The following MTMR3 variants were observed in gnomAD, a reference collection of about 807,000 sequenced individuals.
MTMR3 encodes myotubularin related protein 3.
Under a neutral mutation model 132.4 loss-of-function variants are expected in MTMR3, and 32 were observed. The ratio of observed to expected loss-of-function variants is 0.24; its 90% confidence interval spans 0.18 to 0.32. The LOEUF is 0.32. MTMR3 is among the 10% of genes least tolerant of loss of function. The probability of loss-of-function intolerance (pLI) is 1.00; values close to 1 mark genes in which losing one functional copy is unlikely to be tolerated. For missense variants in MTMR3, 1,216 were observed against 1,489.6 expected (o/e 0.82, Z 3.02); for synonymous variants, 556 against 550.3 (o/e 1.01, Z -0.14).
At chr22:29,938,015 C>G (rs912572415) in intron 1 of MTMR3, among the ~76,000 whole-genome samples, 2 of 152,126 alleles carry the variant, frequency 1.3e-5, no homozygotes, top group African/African-American at 2.4e-5. Flanking sequence ...TAGGGGCTGA[C>G]AAGACCTTAA....
In MTMR3 at chr22:29,998,028, G is replaced by A. The variant is rs73883353; in HGVS notation, c.461-733G>A. The A allele has an allele frequency of 1.2e-3, 190 of 152,312 alleles. 1 individual carries two copies. The highest frequency in any genetic ancestry group is 4.0e-3 in the African/African-American group (168 of 41,568). 9.4% of individuals were successfully genotyped at this position (152,312 alleles called of 1,614,324 possible). A position where few individuals can be genotyped will look rare whatever the true frequency, so the allele number is the denominator to read the frequency against. On this transcript the variant is annotated intron_variant, in intron 7 of 19. Transcript: ENST00000401950. ...GAATTATAGTTCTGTATTGCTACTC[G>A]TGGTGATCTTGTTATTGATTTTATT...
rs564267521 is a variant in MTMR3 at position 30,002,506 on chromosome 22, T to C, written c.558-374T>C. 11 of 160,074 alleles carry C rather than the reference T, an allele frequency of 6.9e-5. 1 individual carries two copies. The South Asian group carries it at 1.8e-3, about 27-fold the overall frequency. The allele number at this position is 160,074 out of a possible 1,614,324, so 9.9% of individuals were successfully genotyped here. On this transcript the variant is annotated intron_variant, in intron 8 of 19. Coordinates refer to ENST00000401950, the MANE Select transcript of MTMR3 (RefSeq NM_021090.4). ...GGCGCTCATGTAGTTAGAAATAACC[T>C]ATGTACTTGTTACAGCAGAAGAGTT...
rs545176389 is a variant in MTMR3 at position 30,028,780 on chromosome 22, A to G, written c.*2979A>G. The G allele has an allele frequency of 6.6e-6, 1 of 152,492 alleles. No homozygotes were observed. The highest frequency in any genetic ancestry group is 1.9e-4 in the East Asian group (1 of 5,326). The allele number at this position is 152,492 out of a possible 1,614,324, so 9.4% of individuals were successfully genotyped here. A position where few individuals can be genotyped will look rare whatever the true frequency, so the allele number is the denominator to read the frequency against. On this transcript the variant is annotated 3_prime_UTR_variant, in exon 20 of 20. Coordinates refer to ENST00000401950, the MANE Select transcript of MTMR3 (RefSeq NM_021090.4). ...CCAGCTGAGCTGGTTCTAGTGTGAA[A>G]GCCGTAAGTGCCACCCAGCAGGCGT...
intron 1 of MTMR3, among the ~76,000 whole-genome samples, chr22:29,916,160 C>T (rs1394651476): frequency 6.6e-6 from 1 of 152,118 alleles, no homozygotes; most frequent in Admixed American, 6.6e-5. Context: ...GGAGCCTTTG[C>T]CCTCGGGCTA....
rs1292183964 is a variant in MTMR3, at chr22:30,019,788, C to G, written c.2129C>G (p.Ala710Gly). Residue 710 changes from alanine to glycine, a missense_variant, in exon 17 of 20, where the codon GCA (alanine) becomes GGA (glycine). Physicochemically the swap from Ala to Gly is moderately conservative, Grantham distance 60. This residue lies in a region of MTMR3 where 852 missense variants were observed against 852.0 expected (regional missense o/e 1.00). Transcript: ENST00000401950. The part of the protein sequence containing the change: ...ESGVEEPAHR[A>G]GIEIQEGKED... ...GGAGTAGAGGAACCTGCCCACAGGG[C>G]AGGCATTGAGATACAGGAGGGTAAA... The G allele has an allele frequency of 1.2e-6, 2 of 1,614,092 alleles. No homozygotes were observed. The highest frequency in any genetic ancestry group is 2.7e-5 in the African/African-American group (2 of 74,944).
At chr22:30,011,944 T>C (rs1375154456) in intron 12 of MTMR3, 1 of 157,670 alleles carries the variant, frequency 6.3e-6, no homozygotes, top group Non-Finnish European at 1.4e-5. Context: ...TCTTTTCTTT[T>C]CTTTTTTTTT....
chr22:29,979,722 C>G (rs1253490035), intron 5 of MTMR3: 2 of 152,404 alleles, frequency 1.3e-5, no homozygotes, highest in Non-Finnish European at 1.5e-5. Context: ...TGAGATAATT[C>G]CCTTGGCCTT....
Position 30,017,704 on chromosome 22 carries a change from G to A in MTMR3, c.1675-223G>A, listed in dbSNP as rs371341030. 340 of 490,304 alleles carry A rather than the reference G, an allele frequency of 6.9e-4. 1 individual carries two copies. Among genetic ancestry groups the A allele is most frequent in the African/African-American group, 6.3e-3 (310 of 49,162 alleles). The allele number at this position is 490,304 out of a possible 1,614,324, so 30.4% of individuals were successfully genotyped here. A position where few individuals can be genotyped will look rare whatever the true frequency, so the allele number is the denominator to read the frequency against. On this transcript the variant is annotated intron_variant, in intron 15 of 19. Transcript: ENST00000401950. ...TCTAAAAAATATTTTATATTTTCAT[G>A]CTCTCAAGTGGCTCTTAGGTGAAAA...
chr22:29,888,834 C>T (rs970052940), intron 1 of MTMR3, among the ~76,000 whole-genome samples: 3 of 135,976 alleles, frequency 2.2e-5, no homozygotes, highest in Non-Finnish European at 3.0e-5. Context: ...AGTGCAGTGG[C>T]GCGATCTCGG....
At chr22:29,970,090 T>C (rs2066503655) in intron 2 of MTMR3, among the ~76,000 whole-genome samples, 1 of 152,232 alleles carries the variant, frequency 6.6e-6, no homozygotes, top group Non-Finnish European at 1.5e-5. Context: ...AAGCCTATTT[T>C]TGGGTTTCTA....
chr22:29,915,301 T>C (rs2065287159), intron 1 of MTMR3, among the ~76,000 whole-genome samples: 1 of 152,248 alleles, frequency 6.6e-6, no homozygotes, highest in Non-Finnish European at 1.5e-5. Flanking sequence ...ACCACAGTAT[T>C]TGCATAATTT....
chr22:29,972,940 TAA>T (rs1343277841), intron 3 of MTMR3, among the ~76,000 whole-genome samples: 4 of 151,834 alleles, frequency 2.6e-5, no homozygotes, highest in South Asian at 2.2e-4. Flanking sequence ...ATAAAATAAT[TAA>T]GTTTCTATTT....
chr22:29,961,457 A>C (rs999080012), intron 2 of MTMR3, among the ~76,000 whole-genome samples: 3 of 152,144 alleles, frequency 2.0e-5, no homozygotes, highest in African/African-American at 7.2e-5. Flanking sequence ...AAGAAACTAC[A>C]GTATGGCTAC....
chr22:29,974,242 C>T (rs1299106995), intron 3 of MTMR3, among the ~76,000 whole-genome samples: 2 of 152,206 alleles, frequency 1.3e-5, no homozygotes, highest in Non-Finnish European at 2.9e-5. Context: ...CAACTTCTCA[C>T]CTTATTAACC....
At chr22:29,913,817 T>A (rs936008922) in intron 1 of MTMR3, among the ~76,000 whole-genome samples, 1 of 152,090 alleles carries the variant, frequency 6.6e-6, no homozygotes, top group Non-Finnish European at 1.5e-5. Context: ...GGTGGCGAGA[T>A]CTCGGCTAAC....
chr22:29,935,449 TAAA>T (rs965573931), intron 1 of MTMR3, among the ~76,000 whole-genome samples: 2 of 152,202 alleles, frequency 1.3e-5, no homozygotes, highest in Non-Finnish European at 2.9e-5. Flanking sequence ...AACTAACATT[TAAA>T]AAAGTGCTAG....
chr22:29,944,968 TAATC>T (rs1371604085), intron 1 of MTMR3, among the ~76,000 whole-genome samples: 2 of 152,224 alleles, frequency 1.3e-5, no homozygotes, highest in African/African-American at 4.8e-5. Flanking sequence ...GATTTCTCCA[TAATC>T]AAAGTAAATA....
intron 2 of MTMR3, among the ~76,000 whole-genome samples, chr22:29,966,515 T>C (rs1355860385): frequency 6.6e-6 from 1 of 152,226 alleles, no homozygotes; most frequent in African/African-American, 2.4e-5. Flanking sequence ...TTGCATCTTG[T>C]ATTTCATTAG....
At position 29,988,484 on chromosome 22, in the gene MTMR3, C is replaced by A. The variant is rs2066900013; in HGVS notation, c.215C>A (p.Pro72Gln). 1 of 1,610,570 alleles carries A rather than the reference C, an allele frequency of 6.2e-7. No homozygotes were observed. Residue 72 changes from proline (P) to glutamine (Q), a missense_variant, in exon 6 of 20, where the codon CCA becomes CAA. Around this residue, in one of 7 missense-constraint regions of MTMR3, gnomAD observed 129 missense variants for 245.7 expected, o/e 0.53. Transcript: ENST00000401950. ...IKFKESLVNV[P>Q]LQLIESVECR... ...TTCATTTTTTTAAAATTGCAGGTTC[C>A]ATTACAGCTTATAGAAAGTGTTGAA... is the stretch of plus-strand genomic sequence containing the variant.
Sources: gnomAD v4.1 joint callset for allele counts (sites outside exome capture counted in the v4.1 genomes callset) on GRCh38, gnomAD v4.1.1 for gene constraint, gnomAD v4.1.1 regional missense constraint, MANE v1.5 for transcripts, NCBI Gene and HGNC (gene_info 2026-07-23, HGNC 2026-07-21) for gene names.